The following TENM3 variants were observed in gnomAD, a reference collection of about 807,000 sequenced individuals.
The protein encoded by TENM3 is teneurin transmembrane protein 3.
A neutral mutation model predicts 255.1 loss-of-function variants in TENM3; 63 were observed. The observed-to-expected ratio is 0.25, with a 90% CI of 0.20 to 0.30. The LOEUF is 0.30. TENM3 is among the 10% of genes least tolerant of loss of function. The pLI, the probability that TENM3 is intolerant of heterozygous loss-of-function variation, is 1.00. For missense variants in TENM3, 2,929 were observed against 3,461.1 expected (o/e 0.85, Z 3.86); for synonymous variants, 1,306 against 1,322.3 (o/e 0.99, Z 0.27).
At chr4:182,579,611 A>C (rs1490764164) in intron 3 of TENM3, among the ~76,000 whole-genome samples, 2 of 152,060 alleles carry the variant, frequency 1.3e-5, no homozygotes, top group South Asian at 4.1e-4. Flanking sequence ...GAAGAGAGAA[A>C]TATGTTTTCC....
intron 1 of TENM3, among the ~76,000 whole-genome samples, chr4:182,312,837 A>G (rs1762533205): frequency 6.6e-6 from 1 of 152,220 alleles, no homozygotes; most frequent in African/African-American, 2.4e-5. Context: ...CATTTGGCTC[A>G]GCTGTATTGG....
chr4:182,702,752 T>C (rs1186759362), intron 12 of TENM3, among the ~76,000 whole-genome samples: 7 of 152,012 alleles, frequency 4.6e-5, no homozygotes, highest in African/African-American at 1.7e-4. Flanking sequence ...TTTTTTCTTT[T>C]TTTGAGACGG....
intron 24 of TENM3, among the ~76,000 whole-genome samples, chr4:182,776,366 C>G (rs544676016): frequency 5.3e-5 from 8 of 152,240 alleles, no homozygotes; most frequent in Admixed American, 5.2e-4. Flanking sequence ...GAGTCGAGAT[C>G]GCGCCACTAC....
the TENM3 span, among the ~76,000 whole-genome samples, chr4:181,470,289 T>C: frequency 1.3e-5 from 2 of 152,132 alleles, no homozygotes; most frequent in Admixed American, 1.3e-4. Context: ...GAGAATAAAT[T>C]TGGAGTAAAA....
chr4:182,328,664 C>T (rs993791537), intron 2 of TENM3, among the ~76,000 whole-genome samples: 10 of 152,186 alleles, frequency 6.6e-5, no homozygotes, highest in Admixed American at 6.5e-4. Context: ...AAGTGTGCCT[C>T]ATCTCTGGTC....
chr4:182,111,430 G>C, the TENM3 span, among the ~76,000 whole-genome samples: 316 of 152,092 alleles, frequency 2.1e-3, 1 homozygote, highest in African/African-American at 7.1e-3. Context: ...TTTTTGTCTA[G>C]AATGGCCAGA....
chr4:182,663,069 A>AT (rs1754361154), intron 6 of TENM3, among the ~76,000 whole-genome samples: 1 of 152,156 alleles, frequency 6.6e-6, no homozygotes, highest in Non-Finnish European at 1.5e-5. Context: ...TACATCACTG[A>AT]TTAGAAAGAG....
At chr4:182,791,228 CAA>C (rs1480942393) in intron 25 of TENM3, among the ~76,000 whole-genome samples, 1 of 152,176 alleles carries the variant, frequency 6.6e-6, no homozygotes, top group African/African-American at 2.4e-5. Flanking sequence ...TGGGTCTGCC[CAA>C]AGAGGAGATT....
the TENM3 span, among the ~76,000 whole-genome samples, chr4:181,482,085 T>C: frequency 6.6e-6 from 1 of 152,116 alleles, no homozygotes; most frequent in Non-Finnish European, 1.5e-5. Context: ...AGGAAAAAGT[T>C]GTGATGAATA....
intron 3 of TENM3, among the ~76,000 whole-genome samples, chr4:182,428,516 G>T (rs1278697986): frequency 6.6e-6 from 1 of 151,354 alleles, no homozygotes; most frequent in African/African-American, 2.4e-5. Flanking sequence ...CTAGTATAGA[G>T]CCAGATCATT....
chr4:181,772,709 G>A, the TENM3 span, among the ~76,000 whole-genome samples: 2 of 152,140 alleles, frequency 1.3e-5, no homozygotes, highest in African/African-American at 4.8e-5. Context: ...GTATCTTCAA[G>A]AATATATTTG....
At chr4:181,538,694 G>A in the TENM3 span, among the ~76,000 whole-genome samples, 1 of 152,154 alleles carries the variant, frequency 6.6e-6, no homozygotes, top group African/African-American at 2.4e-5. Flanking sequence ...AGAAATCTAA[G>A]CACAAGGTAA....
intron 3 of TENM3, among the ~76,000 whole-genome samples, chr4:182,384,478 A>C (rs560482694): frequency 2.3e-3 from 349 of 152,310 alleles, no homozygotes; most frequent in African/African-American, 8.0e-3. Flanking sequence ...TAGTGCCCCC[A>C]AAATCATTTG....
intron 3 of TENM3, among the ~76,000 whole-genome samples, chr4:182,420,774 A>G (rs773323878): frequency 6.6e-6 from 1 of 152,204 alleles, no homozygotes; most frequent in African/African-American, 2.4e-5. Flanking sequence ...TTATAAAAAC[A>G]TGCTGGGTTA....
At chr4:181,568,730 A>G in the TENM3 span, among the ~76,000 whole-genome samples, 1 of 152,278 alleles carries the variant, frequency 6.6e-6, no homozygotes, top group Admixed American at 6.5e-5. Flanking sequence ...GGCTTAATAG[A>G]CTGTCCCACA....
intron 3 of TENM3, among the ~76,000 whole-genome samples, chr4:182,526,057 G>T (rs1368046774): frequency 6.6e-6 from 1 of 152,140 alleles, no homozygotes; most frequent in Non-Finnish European, 1.5e-5. Flanking sequence ...TCGGCTTACT[G>T]CAAGCTCTGC....
At chr4:182,510,897 C>G (rs1416679775) in intron 3 of TENM3, among the ~76,000 whole-genome samples, 1 of 152,202 alleles carries the variant, frequency 6.6e-6, no homozygotes, top group Non-Finnish European at 1.5e-5. Context: ...ATGTAAGTCC[C>G]TGACTGCTCT....
the TENM3 span, among the ~76,000 whole-genome samples, chr4:181,609,774 T>C: frequency 6.6e-6 from 1 of 152,262 alleles, no homozygotes; most frequent in African/African-American, 2.4e-5. Flanking sequence ...CTGCATTGTA[T>C]TTTGTGTTTT....
intron 6 of TENM3, among the ~76,000 whole-genome samples, chr4:182,655,333 C>G (rs139813214): frequency 1.3e-5 from 2 of 152,126 alleles, no homozygotes; most frequent in African/African-American, 4.8e-5. Flanking sequence ...AAGAGACAAA[C>G]GCTTATTATG....
Sources: gnomAD v4.1 joint callset for allele counts (sites outside exome capture counted in the v4.1 genomes callset) on GRCh38, gnomAD v4.1.1 for gene constraint, MANE v1.5 for transcripts, NCBI Gene and HGNC (gene_info 2026-07-23, HGNC 2026-07-21) for gene names.